The following EGR2 variants were observed in gnomAD, a reference collection of about 807,000 sequenced individuals.
EGR2 encodes the protein E3 SUMO-protein ligase EGR2.
EGR2 carries 2 observed loss-of-function variants against 21.2 expected under a neutral mutation model. The ratio of observed to expected loss-of-function variants is 0.09; its 90% confidence interval spans 0.04 to 0.30. The LOEUF is 0.30. Among genes scored for constraint, EGR2 ranks in the 10% least tolerant of loss-of-function variants. The pLI, the probability that EGR2 is intolerant of heterozygous loss-of-function variation, is 1.00. For missense variants in EGR2, 458 were observed against 630.2 expected (o/e 0.73, Z 2.93); for synonymous variants, 282 against 258.2 (o/e 1.09, Z -0.88).
chr10:62,815,931 G>A lies in EGR2; in HGVS notation c.99C>T (p.Ala33=). The A allele has an allele frequency of 1.2e-6, 2 of 1,614,196 alleles. No individual in the cohort carries two copies. Among genetic ancestry groups the A allele is most frequent in the Non-Finnish European group, 1.7e-6 (2 of 1,180,018 alleles). ...DNIYPVEDLA[A]TSVTIFPNAE... ...CATTGGGAAAGATGGTCACCGACGT[G>A]GCGGCGAGGTCCTCCACCGGGTAGA... is the stretch of plus-strand genomic sequence containing the variant. The change falls in exon 1 of 2, where the codon GCC becomes GCT. Residue 33 remains alanine (A), a synonymous_variant. Coordinates refer to ENST00000242480, the MANE Select transcript of EGR2 (RefSeq NM_000399.5).
In EGR2 at chr10:62,814,028, G is replaced by A. The variant is rs1842194879; in HGVS notation, c.610C>T (p.Pro204Ser). The change falls in exon 2 of 2, where the codon CCA (proline) becomes TCA (serine). Residue 204 changes from proline to serine, a missense_variant. Physicochemically the swap from Pro to Ser is moderately conservative, Grantham distance 74. Around this residue, in one of 5 missense-constraint regions of EGR2, gnomAD observed 253 missense variants for 315.5 expected, o/e 0.80. Transcript: ENST00000242480. The surrounding 1 kb of genome is among the most constrained non-coding windows in gnomAD (Gnocchi z 4.8). ...TTGGGGGATGGATAGGAAGGAGGTG[G>A]TGGGTAGGCCAGAGAGGAAGAGGTG... is the stretch of plus-strand genomic sequence containing the variant. ...TSTSSSLAYP[P>S]PPSYPSPKPA... 2 of 1,614,058 alleles carry A rather than the reference G, an allele frequency of 1.2e-6. No homozygotes were observed. Among genetic ancestry groups the A allele is most frequent in the Non-Finnish European group, 1.7e-6 (2 of 1,180,030 alleles).
chr10:62,817,346 C>T (rs1438069878), upstream of EGR2, among the ~76,000 whole-genome samples: 1 of 152,162 alleles, frequency 6.6e-6, no homozygotes, highest in Non-Finnish European at 1.5e-5. This position sits in a 1 kb window ranked among gnomAD's most constrained non-coding sequence, Gnocchi z 4.4. Flanking sequence ...CACTCCCGCC[C>T]CCGCTGCCCT....
rs1227111134 is a variant in EGR2, at chr10:62,814,211, G to T, written c.427C>A (p.Pro143Thr). Residue 143 changes from proline (P) to threonine (T), a missense_variant, in exon 2 of 2, where the codon CCA becomes ACA. This residue lies in a region of EGR2 where 253 missense variants were observed against 315.5 expected (regional missense o/e 0.80). Transcript: ENST00000242480. The surrounding 1 kb of genome is among the most constrained non-coding windows in gnomAD (Gnocchi z 4.8). ...SSSVTSASPN[P>T]LATGPLGVCT... Reference sequence around the variant, plus strand: ...ACACCCAGGGGTCCTGTGGCCAGTGGGTTGGGGGAGGCAGAGGTGACGCTG... The same window carrying T: ...ACACCCAGGGGTCCTGTGGCCAGTGTGTTGGGGGAGGCAGAGGTGACGCTG... The T allele has an allele frequency of 1.2e-6, 2 of 1,614,178 alleles. No individual in the cohort carries two copies. The highest frequency in any genetic ancestry group is 2.2e-5 in the South Asian group (2 of 91,086).
chr10:62,814,041 A>AGAG lies in EGR2; in HGVS notation c.594_596dup (p.Ser199dup), dbSNP rs750792592. Reference sequence around the variant, plus strand: ...AGGAAGGAGGTGGTGGGTAGGCCAGAGAGGAAGAGGTGGAGGTGGTGGCTG... The same window carrying AGAG: ...AGGAAGGAGGTGGTGGGTAGGCCAGAGAGGAGGAAGAGGTGGAGGTGGTGGCTG... On this transcript the variant is annotated inframe_insertion, in exon 2 of 2. Coordinates refer to ENST00000242480, the MANE Select transcript of EGR2 (RefSeq NM_000399.5). This position sits in a 1 kb window ranked among gnomAD's most constrained non-coding sequence, Gnocchi z 4.8. 3.3e-5 allele frequency: 54 copies of AGAG among 1,614,072 alleles called. No homozygotes were observed. Among genetic ancestry groups the AGAG allele is most frequent in the Non-Finnish European group, 4.6e-5 (54 of 1,179,996 alleles).
At chr10:62,815,136 G>A (rs1450878727) in intron 1 of EGR2, among the ~76,000 whole-genome samples, 1 of 152,244 alleles carries the variant, frequency 6.6e-6, no homozygotes, top group Non-Finnish European at 1.5e-5. Flanking sequence ...AAGGCCAGTG[G>A]CCCGGCCTCG....
upstream of EGR2, among the ~76,000 whole-genome samples, chr10:62,817,186 C>T (rs1208203035): frequency 6.6e-6 from 1 of 152,116 alleles, no homozygotes; most frequent in East Asian, 1.9e-4. This position sits in a 1 kb window ranked among gnomAD's most constrained non-coding sequence, Gnocchi z 4.4. Context: ...CGCTCCCCGC[C>T]CCCCTTCAGC....
At chr10:62,815,125 C>A (rs1420274138) in intron 1 of EGR2, among the ~76,000 whole-genome samples, 3 of 152,264 alleles carry the variant, frequency 2.0e-5, no homozygotes, top group Non-Finnish European at 4.4e-5. Flanking sequence ...CGCCTCAGCC[C>A]AAGGCCAGTG....
chr10:62,813,859 G>A lies in EGR2; in HGVS notation c.779C>T (p.Pro260Leu), dbSNP rs1842187873. The change falls in exon 2 of 2, where the codon CCT becomes CTT. Residue 260 changes from proline (P) to leucine (L), a missense_variant. Pro to Leu is a moderately conservative substitution (Grantham distance 98). This residue lies in a region of EGR2 where 253 missense variants were observed against 315.5 expected (regional missense o/e 0.80). Transcript: ENST00000242480. The surrounding 1 kb of genome is among the most constrained non-coding windows in gnomAD (Gnocchi z 5.7). Reference sequence around the variant, plus strand: ...GATTGTAGAGAGTGGAGTGAGTGGAGGGGGCACCCGCAGGGTGTCCAGTGG... The same window carrying A: ...GATTGTAGAGAGTGGAGTGAGTGGAAGGGGCACCCGCAGGGTGTCCAGTGG... ...PCPLDTLRVP[P>L]PLTPLSTIRN... 3.1e-6 allele frequency: 5 copies of A among 1,614,068 alleles called. No homozygotes were observed. Among genetic ancestry groups the A allele is most frequent in the Non-Finnish European group, 4.2e-6 (5 of 1,180,046 alleles).
At chr10:62,817,577 C>G (rs964642326), upstream of EGR2, among the ~76,000 whole-genome samples, 63 of 151,932 alleles carry the variant, frequency 4.1e-4, no homozygotes, top group Non-Finnish European at 1.0e-4. The surrounding 1 kb of genome is among the most constrained non-coding windows in gnomAD (Gnocchi z 4.4). Flanking sequence ...CTGCCCGCAC[C>G]CGAGCCAGAA....
At chr10:62,816,748 T>A (rs1392120032), upstream of EGR2, among the ~76,000 whole-genome samples, 1 of 152,098 alleles carries the variant, frequency 6.6e-6, no homozygotes, top group East Asian at 1.9e-4. Flanking sequence ...GAAGATCCGG[T>A]GCCGGCGGCT....
chr10:62,814,396 G>A lies in EGR2; in HGVS notation c.242C>T (p.Pro81Leu). 6.2e-7 allele frequency: 1 copy of A among 1,614,136 alleles called. No homozygotes were observed. Among genetic ancestry groups the A allele is most frequent in the Non-Finnish European group, 8.5e-7 (1 of 1,180,006 alleles). ...GGTCTGGTTTCTAGGTGCAGAGACG[G>A]GAGCAAAGCTGCTGGGATATGGGAG... ...LDLPYPSSFA[P>L]VSAPRNQTFT... The change falls in exon 2 of 2, where the codon CCC becomes CTC. Residue 81 changes from proline to leucine, a missense_variant. Around this residue, in one of 5 missense-constraint regions of EGR2, gnomAD observed 91 missense variants for 105.2 expected, o/e 0.87. Transcript: ENST00000242480. This position sits in a 1 kb window ranked among gnomAD's most constrained non-coding sequence, Gnocchi z 4.8.
At chr10:62,818,396 A>G (rs191516896), upstream of EGR2, 7 of 260,660 alleles carry the variant, frequency 2.7e-5, no homozygotes, top group Middle Eastern at 4.7e-4. Flanking sequence ...CTTTTTTCCA[A>G]TTGGGGATGA....
upstream of EGR2, chr10:62,818,625 G>A (rs1838312619): frequency 7.9e-7 from 1 of 1,269,842 alleles, no homozygotes; most frequent in African/African-American, 1.5e-5. Flanking sequence ...CCTCGGAAGG[G>A]AGTCCGACTC....
At position 62,814,937 on chromosome 10, in the gene EGR2, G is replaced by C. The variant is rs990751089; in HGVS notation, c.170-469C>G. On this transcript the variant is annotated intron_variant, in intron 1 of 1. Coordinates refer to ENST00000242480, the MANE Select transcript of EGR2 (RefSeq NM_000399.5). The surrounding 1 kb of genome is among the most constrained non-coding windows in gnomAD (Gnocchi z 4.8). ...CAAACCGAGAGGAGAGCCCGAGAAG[G>C]GGGTGGGTGATTTCCCGGCTGCTCC... is the stretch of plus-strand genomic sequence containing the variant. Among the ~76,000 whole-genome samples, 6 of 152,192 alleles carry C rather than the reference G, an allele frequency of 3.9e-5. No individual in the cohort carries two copies. The highest frequency in any genetic ancestry group is 2.1e-4 in the South Asian group (1 of 4,832).
Position 62,813,986 on chromosome 10 carries a change from C to T in EGR2, c.652G>A (p.Gly218Ser), listed in dbSNP as rs1842192885. Residue 218 changes from glycine to serine, a missense_variant, in exon 2 of 2, where the codon GGT becomes AGT. Coordinates refer to ENST00000242480, the MANE Select transcript of EGR2 (RefSeq NM_000399.5). This position sits in a 1 kb window ranked among gnomAD's most constrained non-coding sequence, Gnocchi z 5.7. ...YPSPKPATDP[G>S]LFPMIPDYPG... ...TAGTCTGGGATCATTGGGAAGAGAC[C>T]TGGGTCCGTGGCTGGCTTGGGGGAT... 6.2e-7 allele frequency: 1 copy of T among 1,614,150 alleles called. No individual in the cohort carries two copies. Among genetic ancestry groups the T allele is most frequent in the Non-Finnish European group, 8.5e-7 (1 of 1,180,008 alleles).
chr10:62,816,219 T>C lies in EGR2; in HGVS notation c.-190A>G. 1.4e-6 allele frequency: 2 copies of C among 1,470,836 alleles called. No individual in the cohort carries two copies. Among genetic ancestry groups the C allele is most frequent in the African/African-American group, 1.4e-5 (1 of 70,562 alleles). The allele number at this position is 1,470,836 out of a possible 1,614,324, so 91.1% of individuals were successfully genotyped here. A position where few individuals can be genotyped will look rare whatever the true frequency, so the allele number is the denominator to read the frequency against. Reference sequence around the variant, plus strand: ...AAGTAGCAAACAAGTTGCTGTTTTTTAAGAAATAAGAAAAATGTCTATTTG... The same window carrying C: ...AAGTAGCAAACAAGTTGCTGTTTTTCAAGAAATAAGAAAAATGTCTATTTG... On this transcript the variant is annotated 5_prime_UTR_variant, in exon 1 of 2. Coordinates refer to ENST00000242480, the MANE Select transcript of EGR2 (RefSeq NM_000399.5).
At chr10:62,817,041 G>C (rs1357994482), upstream of EGR2, among the ~76,000 whole-genome samples, 5 of 152,220 alleles carry the variant, frequency 3.3e-5, no homozygotes, top group Non-Finnish European at 5.9e-5. This position sits in a 1 kb window ranked among gnomAD's most constrained non-coding sequence, Gnocchi z 4.4. Context: ...AAACGGAACA[G>C]GTTTGGGTTG....
chr10:62,815,798 A>G (rs1295904147), intron 1 of EGR2, 63 bp downstream of exon 1: 37 of 1,593,088 alleles, frequency 2.3e-5, no homozygotes, highest in Non-Finnish European at 3.1e-5. Context: ...CCGCACACCC[A>G]CTGCACCCCA....
In EGR2 at chr10:62,816,363, A is replaced by T; in HGVS notation, c.-334T>A. 1 of 1,228,346 alleles carries T rather than the reference A, an allele frequency of 8.1e-7. No individual in the cohort carries two copies. Among genetic ancestry groups the T allele is most frequent in the Non-Finnish European group, 1.0e-6 (1 of 969,498 alleles). The allele number at this position is 1,228,346 out of a possible 1,614,324, so 76.1% of individuals were successfully genotyped here. On this transcript the variant is annotated 5_prime_UTR_variant, in exon 1 of 2. Coordinates refer to ENST00000242480, the MANE Select transcript of EGR2 (RefSeq NM_000399.5). ...GCTATTAATCAATTGCTCCTCGCTC[A>T]GTTAGACGGAAAGTGTTGCTCTAAG...
Sources: gnomAD v4.1 joint callset for allele counts (sites outside exome capture counted in the v4.1 genomes callset) on GRCh38, gnomAD v4.1.1 for gene constraint, gnomAD v4.1.1 regional missense constraint, Gnocchi (gnomAD v3.1) non-coding constraint, MANE v1.5 for transcripts, NCBI Gene and HGNC (gene_info 2026-07-23, HGNC 2026-07-21) for gene names.